The following JUP variants were observed in gnomAD, a reference collection of about 807,000 sequenced individuals.
The protein encoded by JUP is junction plakoglobin, also known as catenin (cadherin-associated protein), gamma 80kDa.
In JUP, 28 loss-of-function variants were observed where a neutral mutation model predicts 71.1. The observed-to-expected ratio is 0.39, with a 90% CI of 0.29 to 0.54. The LOEUF (loss-of-function observed/expected upper bound fraction) is 0.54. JUP is among the 20% of genes least tolerant of loss of function. The probability of loss-of-function intolerance (pLI) is 0.62; values close to 1 mark genes in which losing one functional copy is unlikely to be tolerated. For synonymous variants in JUP, 401 were observed against 438.9 expected, an observed-to-expected ratio of 0.91 and a Z score of 1.08; for missense variants, 869 against 1,030.1, an observed-to-expected ratio of 0.84 and a Z score of 2.14.
At position 41,762,683 on chromosome 17, in the gene JUP, G is replaced by C. The variant is rs1915094297; in HGVS notation, c.1497+300C>G. On this transcript the variant is annotated intron_variant, in intron 8 of 13. Transcript: ENST00000393931. ...CCCAAAGTGTTGGGATTACAGGCAT[G>C]AGCCACCGTGCCTGGCCCTGGAACC... 2.6e-5 allele frequency among the ~76,000 whole-genome samples: 4 copies of C among 152,130 alleles called. No homozygotes were observed. In the South Asian group the frequency reaches 8.3e-4, roughly 32 times the overall value.
intron 8 of JUP, among the ~76,000 whole-genome samples, chr17:41,760,099 G>T (rs111304297): frequency 0.38 from 56,488 of 150,462 alleles, 12,946 homozygotes; most frequent in Non-Finnish European, 0.51. Flanking sequence ...GGAGGCGGAG[G>T]TTGCAGTGAG....
chr17:41,783,449 G>A (rs1025862988), intron 1 of JUP, among the ~76,000 whole-genome samples: 3 of 151,512 alleles, frequency 2.0e-5, no homozygotes, highest in South Asian at 4.2e-4. Context: ...CACCACGCCC[G>A]GCTAATTTTT....
At chr17:41,762,030 C>T (rs745328321) in intron 8 of JUP, among the ~76,000 whole-genome samples, 4 of 149,422 alleles carry the variant, frequency 2.7e-5, no homozygotes, top group Non-Finnish European at 5.9e-5. Flanking sequence ...GAATGTACCA[C>T]TGCACTCCAG....
chr17:41,773,749 C>CCGCCT (rs1917034120), intron 1 of JUP, among the ~76,000 whole-genome samples: 1 of 152,164 alleles, frequency 6.6e-6, no homozygotes, highest in Non-Finnish European at 1.5e-5. Flanking sequence ...AAATCCTGAG[C>CCGCCT]TCCTCGTGCT....
chr17:41,757,457 G>T lies in JUP; in HGVS notation c.2004C>A (p.Leu668=). Residue 668 remains leucine, a synonymous_variant, in exon 12 of 14, where the codon CTC becomes CTA. Transcript: ENST00000393931. ...PDYRKRVSVE[L]TNSLFKHDPA... The stretch of plus-strand genomic sequence containing the variant: ...GGTCATGCTTGAAGAGGGAGTTGGT[G>T]AGCTCCACGGACACGCGCTTCCGGT... 6.2e-7 allele frequency: 1 copy of T among 1,614,208 alleles called. No individual in the cohort carries two copies. The highest frequency in any genetic ancestry group is 1.1e-5 in the South Asian group (1 of 91,084).
At chr17:41,755,982 C>T in intron 13 of JUP, 87 bp from the exon 14 acceptor site, 2 of 1,490,722 alleles carry the variant, frequency 1.3e-6, no homozygotes, top group Non-Finnish European at 1.8e-6. Flanking sequence ...GCCTCCTCTA[C>T]CCATGCCCAC....
intron 1 of JUP, among the ~76,000 whole-genome samples, chr17:41,781,248 G>T (rs190515807): frequency 1.3e-5 from 2 of 151,742 alleles, no homozygotes; most frequent in Non-Finnish European, 2.9e-5. Flanking sequence ...CCAGCTACGC[G>T]GGAGGCTGAG....
intron 1 of JUP, among the ~76,000 whole-genome samples, chr17:41,773,553 C>T (rs1437229340): frequency 6.6e-6 from 1 of 152,192 alleles, no homozygotes. Flanking sequence ...CAGCTGCTTC[C>T]CAGGCATTCG....
intron 1 of JUP, among the ~76,000 whole-genome samples, chr17:41,783,355 C>G (rs1387801265): frequency 1.3e-5 from 2 of 148,258 alleles, no homozygotes; most frequent in African/African-American, 2.5e-5. Flanking sequence ...TACAGTGACA[C>G]AGCTCACTGC....
At chr17:41,762,164 AGAGAGAGAGAGAGTGTGTGTGT>A (rs1567808322) in intron 8 of JUP, among the ~76,000 whole-genome samples, 2 of 78,064 alleles carry the variant, frequency 2.6e-5, no homozygotes, top group Non-Finnish European at 5.4e-5. Flanking sequence ...AGAGAGAGAG[AGAGAGAGAGAGAGTGTGTGTGT>A]GTGTGTGTGT....
At chr17:41,762,956 C>A in intron 8 of JUP, 27 bp downstream of exon 8, 1 of 1,603,578 alleles carries the variant, frequency 6.2e-7, no homozygotes, top group Non-Finnish European at 8.5e-7. Flanking sequence ...CTGCAGGGAG[C>A]TCCTTCCCCT....
At chr17:41,757,138 A>G (rs1190751734) in intron 12 of JUP, among the ~76,000 whole-genome samples, 1 of 152,130 alleles carries the variant, frequency 6.6e-6, no homozygotes, top group Non-Finnish European at 1.5e-5. Context: ...CCACCCTGGA[A>G]AAGACCGCCC....
chr17:41,777,534 T>C (rs2046945892), intron 1 of JUP, among the ~76,000 whole-genome samples: 1 of 152,262 alleles, frequency 6.6e-6, no homozygotes, highest in Non-Finnish European at 1.5e-5. Context: ...CGGAACCTCC[T>C]GCAGACTACA....
chr17:41,775,122 A>G (rs1555608281), intron 1 of JUP, among the ~76,000 whole-genome samples: 1 of 150,432 alleles, frequency 6.6e-6, no homozygotes, highest in African/African-American at 2.4e-5. Flanking sequence ...AAAAAAAAAG[A>G]GTCCCAGGTT....
chr17:41,758,645 C>A, intron 9 of JUP, 70 bp downstream of exon 9: 1 of 1,576,946 alleles, frequency 6.3e-7, no homozygotes. Flanking sequence ...CCTCCCCATT[C>A]ACACACACAC....
intron 1 of JUP, 72 bp from the exon 2 acceptor site, chr17:41,771,934 A>G: frequency 8.0e-7 from 1 of 1,254,292 alleles, no homozygotes; most frequent in Admixed American, 2.0e-5. Context: ...GCCCGTCACC[A>G]AGCCCCGCCT....
At chr17:41,785,340 G>T (rs112995438) in intron 1 of JUP, among the ~76,000 whole-genome samples, 2 of 152,152 alleles carry the variant, frequency 1.3e-5, no homozygotes, top group Non-Finnish European at 1.5e-5. Context: ...TTCCTGGGGA[G>T]GGGGCAGAGC....
Position 41,755,013 on chromosome 17 carries a change from T to G in JUP, c.*731A>C. On this transcript the variant is annotated 3_prime_UTR_variant, in exon 14 of 14. Coordinates refer to ENST00000393931, the MANE Select transcript of JUP (RefSeq NM_002230.4). ...TGAACTTTTCAAGAGAAGTTTTGGA[T>G]TTTGGGGGTTTGGGTCTCGAACCTG... The G allele has an allele frequency of 1.1e-4, 35 of 307,774 alleles. No homozygotes were observed. The highest frequency in any genetic ancestry group is 2.6e-4 in the East Asian group (5 of 19,464). 19.1% of individuals were successfully genotyped at this position (307,774 alleles called of 1,614,324 possible).
At chr17:41,773,059 G>C (rs1916910907) in intron 1 of JUP, 2 of 935,100 alleles carry the variant, frequency 2.1e-6, no homozygotes, top group African/African-American at 3.6e-5. Flanking sequence ...AGAAACTGAG[G>C]TTAGAAATGG....
Sources: allele counts gnomAD v4.1 joint callset (sites outside exome capture counted in the v4.1 genomes callset), GRCh38; gene constraint gnomAD v4.1.1; transcripts MANE v1.5; gene names NCBI Gene and HGNC (gene_info 2026-07-23, HGNC 2026-07-21).